PKP4: variants seen among roughly 807,000 people sequenced by gnomAD.
PKP4 encodes plakophilin-4.
In PKP4, 90 loss-of-function variants were observed where a neutral mutation model predicts 145.1. The ratio of observed to expected loss-of-function variants is 0.62; its 90% CI spans 0.52 to 0.74. PKP4 has a LOEUF of 0.74. Among genes scored for constraint, PKP4 ranks in the 30% least tolerant of loss-of-function variants. The pLI, the probability that PKP4 is intolerant of heterozygous loss-of-function variation, is 0.00. For missense variants in PKP4, 1,340 were observed against 1,482.7 expected (o/e 0.90, Z 1.58); for synonymous variants, 563 against 577.2 (o/e 0.98, Z 0.35).
intron 3 of PKP4, among the ~76,000 whole-genome samples, chr2:158,582,655 G>C (rs2048429961): frequency 1.3e-5 from 2 of 152,150 alleles, no homozygotes; most frequent in Admixed American, 1.3e-4. Context: ...TCTCCCGTGT[G>C]TCCCCATTAA....
intron 1 of PKP4, among the ~76,000 whole-genome samples, chr2:158,519,358 T>C (rs796863629): frequency 2.4e-4 from 37 of 152,338 alleles, no homozygotes; most frequent in African/African-American, 8.4e-4. Flanking sequence ...TCCACTTTAC[T>C]TTCTTCTGTT....
At chr2:158,527,094 C>G (rs1337344019) in intron 1 of PKP4, among the ~76,000 whole-genome samples, 1 of 120,942 alleles carries the variant, frequency 8.3e-6, no homozygotes, top group Non-Finnish European at 1.7e-5. Flanking sequence ...CCATCCCCAT[C>G]AAGCTACCAA....
At chr2:158,663,188 T>G in intron 14 of PKP4, 84 bp from the exon 15 acceptor site, 2 of 1,518,886 alleles carry the variant, frequency 1.3e-6, no homozygotes, top group Middle Eastern at 2.1e-4. Flanking sequence ...TAGCTATAGC[T>G]GAGTCCCGCA....
intron 1 of PKP4, among the ~76,000 whole-genome samples, chr2:158,514,048 T>A (rs988995460): frequency 4.6e-5 from 7 of 152,220 alleles, no homozygotes; most frequent in Admixed American, 4.6e-4. Context: ...ACTCCTTTGT[T>A]CCTGCTAGAC....
intron 1 of PKP4, among the ~76,000 whole-genome samples, chr2:158,470,221 T>A (rs1193822545): frequency 6.6e-6 from 1 of 152,184 alleles, no homozygotes; most frequent in Non-Finnish European, 1.5e-5. Flanking sequence ...AAATACTTTG[T>A]TTACAACCTT....
chr2:158,611,752 G>A (rs981873164), intron 4 of PKP4, among the ~76,000 whole-genome samples: 11 of 152,114 alleles, frequency 7.2e-5, no homozygotes, highest in East Asian at 1.9e-4. Context: ...TTTGGATGCC[G>A]TCATTTATTA....
chr2:158,599,205 G>A (rs2050026563), intron 3 of PKP4, among the ~76,000 whole-genome samples: 2 of 152,324 alleles, frequency 1.3e-5, no homozygotes, highest in South Asian at 2.1e-4. Context: ...GATGAGAAAT[G>A]AAAGCCAGGA....
At chr2:158,596,627 T>A (rs1339762760) in intron 3 of PKP4, among the ~76,000 whole-genome samples, 2 of 145,492 alleles carry the variant, frequency 1.4e-5, no homozygotes, top group Non-Finnish European at 1.5e-5. Flanking sequence ...CTTGTCTCTT[T>A]AAAAAAAAAA....
intron 2 of PKP4, among the ~76,000 whole-genome samples, chr2:158,542,006 C>A (rs894160395): frequency 6.6e-6 from 1 of 152,120 alleles, no homozygotes; most frequent in Non-Finnish European, 1.5e-5. Flanking sequence ...AAATGCCTTT[C>A]CATCACAAAG....
chr2:158,616,219 A>C (rs894193341), intron 4 of PKP4, among the ~76,000 whole-genome samples: 10 of 152,210 alleles, frequency 6.6e-5, no homozygotes, highest in Non-Finnish European at 1.3e-4. Flanking sequence ...CAGTGACCTC[A>C]TTCCCTCTGA....
At chr2:158,540,871 A>G (rs917266677) in intron 2 of PKP4, among the ~76,000 whole-genome samples, 15 of 152,204 alleles carry the variant, frequency 9.9e-5, no homozygotes, top group Admixed American at 6.5e-5. Context: ...GTTAACACTT[A>G]AAGCCAACCA....
intron 1 of PKP4, among the ~76,000 whole-genome samples, chr2:158,476,154 G>A (rs1038732990): frequency 2.2e-4 from 34 of 152,018 alleles, no homozygotes; most frequent in Non-Finnish European, 1.0e-4. Flanking sequence ...AAATCATTGG[G>A]GTGTGTTGTA....
intron 1 of PKP4, among the ~76,000 whole-genome samples, chr2:158,481,009 A>G (rs761063081): frequency 6.6e-6 from 1 of 152,146 alleles, no homozygotes; most frequent in African/African-American, 2.4e-5. Context: ...TTTACTTAGC[A>G]TGTTTTCAAG....
At chr2:158,490,937 C>T (rs892432527) in intron 1 of PKP4, among the ~76,000 whole-genome samples, 1 of 152,164 alleles carries the variant, frequency 6.6e-6, no homozygotes, top group Admixed American at 6.5e-5. Context: ...CTCCCACGGC[C>T]GTAGGCATTT....
chr2:158,467,867 A>T (rs1339317419), intron 1 of PKP4, among the ~76,000 whole-genome samples: 1 of 152,110 alleles, frequency 6.6e-6, no homozygotes, highest in Non-Finnish European at 1.5e-5. Flanking sequence ...AAAATAAAAA[A>T]AGAATATTAT....
At chr2:158,534,450 T>C (rs776444346) in intron 2 of PKP4, among the ~76,000 whole-genome samples, 1 of 152,210 alleles carries the variant, frequency 6.6e-6, no homozygotes, top group Non-Finnish European at 1.5e-5. Flanking sequence ...ATGCAAGATA[T>C]AGTCAGTACA....
chr2:158,656,092 G>A (rs1419828726), intron 11 of PKP4, among the ~76,000 whole-genome samples: 1 of 152,152 alleles, frequency 6.6e-6, no homozygotes. Context: ...ACCCAATTAA[G>A]CCCAAAATTG....
At chr2:158,461,588 G>C (rs1689777507) in intron 1 of PKP4, among the ~76,000 whole-genome samples, 1 of 152,094 alleles carries the variant, frequency 6.6e-6, no homozygotes, top group South Asian at 2.1e-4. Context: ...CTGGTGACTG[G>C]GTGGGTGCCA....
intron 3 of PKP4, among the ~76,000 whole-genome samples, chr2:158,591,556 A>G (rs919933815): frequency 1.3e-5 from 2 of 152,090 alleles, no homozygotes; most frequent in Non-Finnish European, 2.9e-5. Flanking sequence ...TATTGTATAT[A>G]TTTTAAATGT....
Sources: allele counts gnomAD v4.1 joint callset (sites outside exome capture counted in the v4.1 genomes callset), GRCh38; gene constraint gnomAD v4.1.1; transcripts MANE v1.5; gene names NCBI Gene and HGNC (gene_info 2026-07-23, HGNC 2026-07-21).